Variants in ITGB5 observed in about 807,000 individuals in gnomAD.
ITGB5 encodes integrin subunit beta 5, also known as integrin beta-5.
A neutral mutation model predicts 84.8 loss-of-function variants in ITGB5; 38 were observed. The observed-to-expected ratio is 0.45, with a 90% CI of 0.35 to 0.59. The LOEUF (loss-of-function observed/expected upper bound fraction) is 0.59. ITGB5 is among the 20% of genes least tolerant of loss of function. The pLI, the probability that ITGB5 is intolerant of heterozygous loss-of-function variation, is 0.01. For synonymous variants in ITGB5, 393 were observed against 414.4 expected (o/e 0.95, Z 0.63); for missense variants, 905 against 1,034.5 (o/e 0.87, Z 1.72).
At chr3:124,839,141 T>A (rs2064978398) in intron 5 of ITGB5, among the ~76,000 whole-genome samples, 1 of 152,244 alleles carries the variant, frequency 6.6e-6, no homozygotes, top group African/African-American at 2.4e-5. Context: ...ATTGGCTGCA[T>A]AATTCTGAGC....
intron 11 of ITGB5, 138 bp downstream of exon 11, chr3:124,773,552 C>CG: frequency 1.5e-6 from 1 of 689,256 alleles, no homozygotes; most frequent in South Asian, 1.9e-5. Flanking sequence ...GGTAAGAATG[C>CG]GGCTCCCCAG....
At chr3:124,885,973 T>C in intron 1 of ITGB5, among the ~76,000 whole-genome samples, 1 of 152,212 alleles carries the variant, frequency 6.6e-6, no homozygotes, top group Non-Finnish European at 1.5e-5. Context: ...GGCTTGAAAG[T>C]TAATAGAGCA....
intron 4 of ITGB5, among the ~76,000 whole-genome samples, chr3:124,845,339 C>G (rs2065063059): frequency 6.6e-6 from 1 of 152,214 alleles, no homozygotes; most frequent in African/African-American, 2.4e-5. Flanking sequence ...GAGGCTGAGG[C>G]AGGAGAATCA....
intron 10 of ITGB5, among the ~76,000 whole-genome samples, chr3:124,787,172 G>A (rs567919519): frequency 6.6e-6 from 1 of 152,150 alleles, no homozygotes; most frequent in Non-Finnish European, 1.5e-5. Context: ...TCGCCACGGG[G>A]TTCTGTTGGC....
chr3:124,886,130 C>T (rs1331682431), intron 1 of ITGB5, among the ~76,000 whole-genome samples: 1 of 152,258 alleles, frequency 6.6e-6, no homozygotes, highest in Non-Finnish European at 1.5e-5. Flanking sequence ...GCTGCCAGCC[C>T]ACCGCAGCGT....
rs2063712651 is a variant in ITGB5 at position 124,762,795 on chromosome 3, C to G, written c.*828G>C. 1 of 152,302 alleles carries G rather than the reference C, an allele frequency of 6.6e-6. No homozygotes were observed. The highest frequency in any genetic ancestry group is 2.1e-4 in the South Asian group (1 of 4,832). 9.4% of individuals were successfully genotyped at this position (152,302 alleles called of 1,614,324 possible). A position where few individuals can be genotyped will look rare whatever the true frequency, so the allele number is the denominator to read the frequency against. On this transcript the variant is annotated 3_prime_UTR_variant, in exon 15 of 15. Coordinates refer to ENST00000296181, the MANE Select transcript of ITGB5 (RefSeq NM_002213.5). ...TCAGTGTTCCCCCTTGCACAGCCCT[C>G]ACTGCCCCGAGCACCTCATGCTTAC...
chr3:124,819,512 T>C lies in ITGB5; in HGVS notation c.1038+227A>G, dbSNP rs570176984. On this transcript the variant is annotated intron_variant, in intron 7 of 14. Transcript: ENST00000296181. ...AAAAAAATGGGAATTCATGCTATTT[T>C]CAAGGTTTTTCTCAGAATCAAATTA... is the stretch of plus-strand genomic sequence containing the variant. Among the ~76,000 whole-genome samples the C allele has an allele frequency of 8.0e-4, 122 of 152,362 alleles. 1 individual carries two copies. The highest frequency in any genetic ancestry group is 2.6e-3 in the African/African-American group (109 of 41,584).
At chr3:124,824,300 T>C (rs576659285) in intron 5 of ITGB5, among the ~76,000 whole-genome samples, 2 of 152,304 alleles carry the variant, frequency 1.3e-5, no homozygotes, top group Non-Finnish European at 2.9e-5. Flanking sequence ...ATCTAGTCAA[T>C]TCAGCAGCAA....
intron 12 of ITGB5, 111 bp from the exon 13 acceptor site, chr3:124,766,456 T>C (rs1186020287): frequency 1.5e-6 from 2 of 1,331,586 alleles, no homozygotes; most frequent in Non-Finnish European, 2.1e-6. Context: ...ATGGGGGGTG[T>C]GGGCAGAAAA....
At chr3:124,890,390 A>G (rs1934973850), upstream of ITGB5, among the ~76,000 whole-genome samples, 1 of 151,464 alleles carries the variant, frequency 6.6e-6, no homozygotes, top group Non-Finnish European at 1.5e-5. Flanking sequence ...TATTTTTAGT[A>G]GAGGCGGGGT....
At chr3:124,767,363 A>G (rs1044601833) in intron 12 of ITGB5, among the ~76,000 whole-genome samples, 1 of 152,212 alleles carries the variant, frequency 6.6e-6, no homozygotes, top group African/African-American at 2.4e-5. Context: ...CTGGGTGAGT[A>G]TGAGTGAGCA....
chr3:124,874,474 T>A (rs1458301756), intron 1 of ITGB5, among the ~76,000 whole-genome samples: 2 of 152,178 alleles, frequency 1.3e-5, no homozygotes, highest in African/African-American at 4.8e-5. Context: ...ATGTCATTTT[T>A]CACAGAAATA....
chr3:124,881,705 T>C (rs949008372), intron 1 of ITGB5, among the ~76,000 whole-genome samples: 43 of 152,092 alleles, frequency 2.8e-4, no homozygotes, highest in Admixed American at 1.2e-3. Context: ...TGGTGGCTCA[T>C]GCCTGTAATC....
intron 5 of ITGB5, among the ~76,000 whole-genome samples, chr3:124,830,018 G>A (rs929906708): frequency 6.6e-6 from 1 of 152,204 alleles, no homozygotes; most frequent in African/African-American, 2.4e-5. Context: ...CCTCCCAGGA[G>A]TGAAGACAGA....
intron 9 of ITGB5, among the ~76,000 whole-genome samples, chr3:124,806,011 G>A (rs1253520552): frequency 6.6e-6 from 1 of 152,108 alleles, no homozygotes; most frequent in East Asian, 1.9e-4. Flanking sequence ...TCTCCTATGA[G>A]TTCAACCCAA....
chr3:124,788,064 T>G (rs926052490), intron 10 of ITGB5, among the ~76,000 whole-genome samples: 2 of 152,052 alleles, frequency 1.3e-5, no homozygotes, highest in African/African-American at 4.8e-5. Flanking sequence ...CACGCCACCA[T>G]GCCTGGATAA....
At chr3:124,853,768 T>A (rs10212596) in intron 3 of ITGB5, among the ~76,000 whole-genome samples, 1 of 152,118 alleles carries the variant, frequency 6.6e-6, no homozygotes, top group Non-Finnish European at 1.5e-5. Context: ...GTTTTGAGAA[T>A]GTACTTTTGT....
At chr3:124,861,521 C>A (rs1436761557) in intron 2 of ITGB5, among the ~76,000 whole-genome samples, 1 of 146,924 alleles carries the variant, frequency 6.8e-6, no homozygotes, top group Non-Finnish European at 1.5e-5. Flanking sequence ...CACACACACA[C>A]ACACACAGAG....
intron 5 of ITGB5, among the ~76,000 whole-genome samples, chr3:124,834,415 GAAAGAAAGAAGGAAAC>G (rs1490501959): frequency 7.1e-6 from 1 of 141,494 alleles, no homozygotes; most frequent in East Asian, 2.1e-4. Flanking sequence ...CTGAAAGAAA[GAAAGAAAGAAGGAAAC>G]AAAGAAAGAA....
Sources: gnomAD v4.1 joint callset for allele counts (sites outside exome capture counted in the v4.1 genomes callset) on GRCh38, gnomAD v4.1.1 for gene constraint, MANE v1.5 for transcripts, NCBI Gene and HGNC (gene_info 2026-07-23, HGNC 2026-07-21) for gene names.